Variants in MACROD2 observed in about 807,000 individuals in gnomAD.
MACROD2 encodes the protein ADP-ribose glycohydrolase MACROD2.
Under a neutral mutation model 70.4 loss-of-function variants are expected in MACROD2, and 36 were observed. That is an observed-to-expected ratio of 0.51 (90% CI 0.39 to 0.68). The LOEUF is 0.68. Ranked by LOEUF, MACROD2 falls within the 30% of genes least tolerant of loss-of-function variation. The probability of loss-of-function intolerance (pLI) is 0.00; values close to 1 mark genes in which losing one functional copy is unlikely to be tolerated. For synonymous variants in MACROD2, 172 were observed against 178.8 expected (o/e 0.96, Z 0.30); for missense variants, 496 against 538.4 (o/e 0.92, Z 0.78).
At chr20:15,581,960 A>G (rs570068021) in intron 8 of MACROD2, among the ~76,000 whole-genome samples, 33 of 152,146 alleles carry the variant, frequency 2.2e-4, no homozygotes, top group Non-Finnish European at 2.9e-5. Flanking sequence ...CGTCTCTACT[A>G]AAAACACAAA....
intron 10 of MACROD2, among the ~76,000 whole-genome samples, chr20:15,922,505 C>T (rs1445821305): frequency 1.3e-5 from 2 of 152,120 alleles, no homozygotes; most frequent in East Asian, 1.9e-4. Context: ...CCTCGTAGTC[C>T]GTGGAGTGCC....
intron 5 of MACROD2, chr20:15,196,956 T>C (rs1459084808): frequency 4.1e-6 from 4 of 985,294 alleles, no homozygotes; most frequent in Non-Finnish European, 4.8e-6. Flanking sequence ...TGGAGCCCTT[T>C]GGGCCTCAGG....
At position 15,280,417 on chromosome 20, in the gene MACROD2, A is replaced by G. The variant is rs145862361; in HGVS notation, c.540+50356A>G. 5.1e-3 allele frequency among the ~76,000 whole-genome samples: 782 copies of G among 152,284 alleles called. 2 individuals are homozygous for G. Among genetic ancestry groups the G allele is most frequent in the Middle Eastern group, 0.02 (6 of 294 alleles). On this transcript the variant is annotated intron_variant, in intron 6 of 17. Transcript: ENST00000684519. ...CAGACATCTCAGTTAAGCATTTGGAATTATGCATGATTTTTTATTTATTTC... is the reference window on the plus strand; with the variant it reads ...CAGACATCTCAGTTAAGCATTTGGAGTTATGCATGATTTTTTATTTATTTC...
rs575226046 is a variant in MACROD2, at chr20:14,449,116, TTTTTTTTTCCTGTGCTTTTTTTACCC to T, written c.272-44362_272-44337del. Reference sequence around the variant, plus strand: ...CATTAGCTTGCTTTAACTAAGAAGGTTTTTTTTTCCTGTGCTTTTTTTACCCCCTTATCTGAGTCCTTGTAAAAAGA... The same window carrying T: ...CATTAGCTTGCTTTAACTAAGAAGGTCCTTATCTGAGTCCTTGTAAAAAGA... On this transcript the variant is annotated intron_variant, in intron 3 of 17. Transcript: ENST00000684519. Among the ~76,000 whole-genome samples the T allele has an allele frequency of 3.0e-3, 448 of 147,618 alleles. 6 individuals are homozygous for T. The highest frequency in any genetic ancestry group is 0.011 in the African/African-American group (427 of 37,616).
intron 5 of MACROD2, among the ~76,000 whole-genome samples, chr20:15,049,914 C>T (rs937887452): frequency 6.0e-4 from 91 of 150,776 alleles, no homozygotes; most frequent in African/African-American, 2.2e-3. Context: ...TGCCACTGCA[C>T]TCCAGCCTGG....
intron 5 of MACROD2, among the ~76,000 whole-genome samples, chr20:14,813,564 T>C (rs1001287743): frequency 1.3e-5 from 2 of 152,106 alleles, no homozygotes; most frequent in African/African-American, 4.8e-5. Context: ...TAGTATTCCA[T>C]GGTGTATATG....
At chr20:15,679,397 C>CT (rs2050128567) in intron 8 of MACROD2, among the ~76,000 whole-genome samples, 2 of 152,130 alleles carry the variant, frequency 1.3e-5, no homozygotes, top group South Asian at 4.1e-4. Flanking sequence ...AAAGGACACT[C>CT]AAGGACCCCA....
At chr20:14,725,451 C>G (rs562247749) in intron 5 of MACROD2, among the ~76,000 whole-genome samples, 1 of 152,236 alleles carries the variant, frequency 6.6e-6, no homozygotes, top group African/African-American at 2.4e-5. Flanking sequence ...GCAAAGGAGA[C>G]AGAGAAGGCA....
At chr20:14,626,428 C>G (rs1368008491) in intron 4 of MACROD2, among the ~76,000 whole-genome samples, 1 of 152,100 alleles carries the variant, frequency 6.6e-6, no homozygotes, top group Non-Finnish European at 1.5e-5. Context: ...CCCAGTACTA[C>G]AATCAATAGG....
In MACROD2 at chr20:14,322,202, T is replaced by TATA. The variant is rs1568553958; in HGVS notation, c.272-171277_272-171276insATA. On this transcript the variant is annotated intron_variant, in intron 3 of 17. Transcript: ENST00000684519. ...TATATATATATATATATATATATAT[T>TATA]TTGTATTTTGCAAAGCAACTGGATT... is the stretch of plus-strand genomic sequence containing the variant. Among the ~76,000 whole-genome samples, 334 of 53,736 alleles carry TATA rather than the reference T, an allele frequency of 6.2e-3. 5 individuals carry two copies. The highest frequency in any genetic ancestry group is 0.019 in the East Asian group (49 of 2,632). The allele number at this position is 53,736 out of a possible 152,430, so 35.3% of individuals were successfully genotyped here.
chr20:14,732,586 G>A (rs182181415), intron 5 of MACROD2, among the ~76,000 whole-genome samples: 6 of 152,220 alleles, frequency 3.9e-5, no homozygotes, highest in Admixed American at 3.3e-4. Flanking sequence ...AATTTTACCA[G>A]AAATTAAAGT....
intron 8 of MACROD2, among the ~76,000 whole-genome samples, 181 bp from the exon 9 acceptor site, chr20:15,862,564 A>G (rs2064438939): frequency 6.6e-6 from 1 of 152,090 alleles, no homozygotes; most frequent in South Asian, 2.1e-4. Flanking sequence ...ACACACGCAC[A>G]CACACACACA....
intron 5 of MACROD2, among the ~76,000 whole-genome samples, chr20:14,902,809 A>G (rs549792848): frequency 6.6e-6 from 1 of 152,288 alleles, no homozygotes; most frequent in African/African-American, 2.4e-5. Flanking sequence ...GAATGCCATG[A>G]ACTCCACATG....
intron 7 of MACROD2, among the ~76,000 whole-genome samples, chr20:15,483,103 T>C (rs970787989): frequency 3.9e-5 from 6 of 152,206 alleles, no homozygotes; most frequent in African/African-American, 1.4e-4. Context: ...TCATAAAGCA[T>C]GTATTTGGTG....
At chr20:15,317,325 C>G (rs2077821906) in intron 6 of MACROD2, among the ~76,000 whole-genome samples, 1 of 151,962 alleles carries the variant, frequency 6.6e-6, no homozygotes, top group Non-Finnish European at 1.5e-5. Context: ...ACAAAAATAT[C>G]ATAAGAGAAT....
At chr20:14,858,298 G>C (rs1339859272) in intron 5 of MACROD2, among the ~76,000 whole-genome samples, 1 of 152,014 alleles carries the variant, frequency 6.6e-6, no homozygotes, top group Admixed American at 6.6e-5. Context: ...AGTCTGAGTG[G>C]AACTCTGAAC....
chr20:14,528,344 T>C (rs1017341188), intron 4 of MACROD2, among the ~76,000 whole-genome samples: 8 of 147,614 alleles, frequency 5.4e-5, no homozygotes, highest in Non-Finnish European at 1.0e-4. Context: ...TCAGTAGAGA[T>C]GGTTTCTCCA....
chr20:15,680,649 C>T (rs2050148089), intron 8 of MACROD2, among the ~76,000 whole-genome samples: 1 of 152,094 alleles, frequency 6.6e-6, no homozygotes. Flanking sequence ...CTGCTGCAGG[C>T]CTCCAGTTCC....
At chr20:15,874,074 C>A (rs2147186745) in intron 9 of MACROD2, among the ~76,000 whole-genome samples, 1 of 137,208 alleles carries the variant, frequency 7.3e-6, no homozygotes, top group African/African-American at 2.7e-5. Flanking sequence ...AGCCCCCCCA[C>A]CCCCCAACAG....
Sources: allele counts gnomAD v4.1 joint callset (sites outside exome capture counted in the v4.1 genomes callset), GRCh38; gene constraint gnomAD v4.1.1; transcripts MANE v1.5; gene names NCBI Gene and HGNC (gene_info 2026-07-23, HGNC 2026-07-21).